Variants in LDLRAD3 observed in about 807,000 individuals in gnomAD.
LDLRAD3 encodes low density lipoprotein receptor class A domain containing 3.
Under a neutral mutation model 29.4 loss-of-function variants are expected in LDLRAD3, and 20 were observed. The ratio of observed to expected loss-of-function variants is 0.68; its 90% CI spans 0.48 to 0.99. The LOEUF (loss-of-function observed/expected upper bound fraction) is 0.99, where lower values mean the gene tolerates loss of function less well. Among genes scored for constraint, LDLRAD3 ranks in the 50% least tolerant of loss-of-function variants. The pLI is 0.00. For missense variants in LDLRAD3, 420 were observed against 454.3 expected (o/e 0.92, Z 0.69); for synonymous variants, 157 against 192.7 (o/e 0.81, Z 1.53).
At chr11:36,115,230 G>A (rs1326977976) in intron 4 of LDLRAD3, among the ~76,000 whole-genome samples, 1 of 152,216 alleles carries the variant, frequency 6.6e-6, no homozygotes, top group Non-Finnish European at 1.5e-5. Context: ...GCAATGACTT[G>A]TGAGACCTGG....
chr11:36,035,479 A>C (rs1382288318), intron 1 of LDLRAD3, among the ~76,000 whole-genome samples: 1 of 152,180 alleles, frequency 6.6e-6, no homozygotes, highest in Non-Finnish European at 1.5e-5. Flanking sequence ...CTCAGCTTCC[A>C]GTAACTCTTG....
chr11:36,126,278 G>T (rs1853835949), intron 4 of LDLRAD3, among the ~76,000 whole-genome samples: 2 of 152,090 alleles, frequency 1.3e-5, no homozygotes. Context: ...TTGTCCTTCA[G>T]TTCCTGGGCG....
chr11:36,070,195 A>G (rs1002548221), intron 2 of LDLRAD3, among the ~76,000 whole-genome samples: 20 of 152,228 alleles, frequency 1.3e-4, no homozygotes, highest in African/African-American at 4.6e-4. Flanking sequence ...ATATTTTGAT[A>G]TTGGCCAAAC....
intron 4 of LDLRAD3, among the ~76,000 whole-genome samples, chr11:36,175,965 T>C (rs1317470291): frequency 1.3e-5 from 2 of 152,208 alleles, no homozygotes; most frequent in Non-Finnish European, 2.9e-5. Flanking sequence ...TAGAGGTAAT[T>C]GTTTTACAAA....
intron 2 of LDLRAD3, among the ~76,000 whole-genome samples, chr11:36,059,361 A>G (rs80025502): frequency 6.7e-6 from 1 of 148,570 alleles, no homozygotes; most frequent in African/African-American, 2.5e-5. Context: ...TGTCTCAGAA[A>G]AAAAAAAAAA....
intron 2 of LDLRAD3, among the ~76,000 whole-genome samples, chr11:36,042,137 A>T (rs940403018): frequency 1.3e-5 from 2 of 152,074 alleles, no homozygotes; most frequent in African/African-American, 4.8e-5. Context: ...TGGGGTTGAG[A>T]TTGTTCAGGC....
chr11:35,951,612 A>G (rs959745457), intron 1 of LDLRAD3, among the ~76,000 whole-genome samples: 1 of 152,234 alleles, frequency 6.6e-6, no homozygotes, highest in African/African-American at 2.4e-5. Context: ...GCAAGAAAAT[A>G]TGGAATTATG....
At chr11:36,081,535 C>G in intron 2 of LDLRAD3, 118 bp from the exon 3 acceptor site, 2 of 1,364,008 alleles carry the variant, frequency 1.5e-6, no homozygotes, top group Admixed American at 3.7e-5. Flanking sequence ...AAGAAAGCTT[C>G]AAGGACTTTA....
intron 1 of LDLRAD3, among the ~76,000 whole-genome samples, chr11:35,960,695 T>C (rs779294413): frequency 1.3e-5 from 2 of 152,158 alleles, no homozygotes; most frequent in African/African-American, 2.4e-5. Context: ...CCTGTTGGGT[T>C]CAAGCAGTTC....
intron 1 of LDLRAD3, among the ~76,000 whole-genome samples, chr11:36,009,640 G>A (rs1476325885): frequency 6.6e-6 from 1 of 152,180 alleles, no homozygotes; most frequent in Non-Finnish European, 1.5e-5. Flanking sequence ...TGGATTGGGT[G>A]TTGCTGAAAT....
intron 2 of LDLRAD3, among the ~76,000 whole-genome samples, chr11:36,062,981 G>C (rs935683556): frequency 6.6e-6 from 1 of 152,162 alleles, no homozygotes; most frequent in African/African-American, 2.4e-5. Flanking sequence ...ACTGGGAAAG[G>C]GCAAGGAAAC....
chr11:35,992,604 C>G (rs913557085), intron 1 of LDLRAD3, among the ~76,000 whole-genome samples: 1 of 152,204 alleles, frequency 6.6e-6, no homozygotes, highest in East Asian at 1.9e-4. Flanking sequence ...CAAAAGACCA[C>G]ATATTGTATC....
At chr11:36,215,039 G>T (rs1007054149) in intron 4 of LDLRAD3, among the ~76,000 whole-genome samples, 2 of 152,202 alleles carry the variant, frequency 1.3e-5, no homozygotes, top group African/African-American at 4.8e-5. Context: ...CGAGGTGGGT[G>T]GGGGGATGGA....
intron 1 of LDLRAD3, among the ~76,000 whole-genome samples, chr11:35,962,120 T>C (rs1365348927): frequency 6.6e-6 from 1 of 152,202 alleles, no homozygotes; most frequent in Admixed American, 6.5e-5. Context: ...TTTGCATTTT[T>C]TCCCCCTCCT....
chr11:35,967,174 C>T, intron 1 of LDLRAD3: 3 of 197,052 alleles, frequency 1.5e-5, no homozygotes, highest in Admixed American at 1.5e-4. Flanking sequence ...CCCTTAGTTC[C>T]CTTTCCAGTG....
At chr11:35,991,867 T>TGTGTGTGTGTGTGTGTG (rs1565147663) in intron 1 of LDLRAD3, among the ~76,000 whole-genome samples, 4 of 82,684 alleles carry the variant, frequency 4.8e-5, no homozygotes, top group Non-Finnish European at 1.3e-4. Flanking sequence ...GAATGGTTGT[T>TGTGTGTGTGTGTGTGTG]TGTGTGTGTG....
At chr11:36,017,934 C>A (rs952376957) in intron 1 of LDLRAD3, among the ~76,000 whole-genome samples, 2 of 152,158 alleles carry the variant, frequency 1.3e-5, no homozygotes, top group Admixed American at 6.5e-5. Flanking sequence ...CTGGGTGCAC[C>A]AGTTTTGGCA....
At chr11:36,108,350 A>C (rs914370355) in intron 4 of LDLRAD3, among the ~76,000 whole-genome samples, 1 of 139,694 alleles carries the variant, frequency 7.2e-6, no homozygotes, top group East Asian at 2.1e-4. Context: ...AAAAAAAAAG[A>C]TGCATTCCAG....
chr11:36,182,987 T>TTTA (rs1270380414), intron 4 of LDLRAD3, among the ~76,000 whole-genome samples: 1 of 152,172 alleles, frequency 6.6e-6, no homozygotes, highest in Non-Finnish European at 1.5e-5. Context: ...GCACAAGGAA[T>TTTA]TTAAAGGGAT....
Sources: gnomAD v4.1 joint callset for allele counts (sites outside exome capture counted in the v4.1 genomes callset) on GRCh38, gnomAD v4.1.1 for gene constraint, MANE v1.5 for transcripts, NCBI Gene and HGNC (gene_info 2026-07-23, HGNC 2026-07-21) for gene names.